Variants in HDAC7 observed in about 807,000 individuals in gnomAD.
HDAC7 encodes histone deacetylase 7A.
HDAC7 carries 26 observed loss-of-function variants against 115.5 expected under a neutral mutation model. That is an observed-to-expected ratio of 0.23 (90% confidence interval 0.16 to 0.31). HDAC7 has a LOEUF of 0.31. Ranked by LOEUF, HDAC7 falls within the 10% of genes least tolerant of loss-of-function variation. The pLI is 1.00. For synonymous variants in HDAC7, 564 were observed against 550.9 expected (o/e 1.02, Z -0.33); for missense variants, 1,068 against 1,329.0 (o/e 0.80, Z 3.05).
chr12:47,796,393 C>G, intron 7 of HDAC7, 95 bp from the exon 8 acceptor site: 1 of 753,146 alleles, frequency 1.3e-6, no homozygotes, highest in East Asian at 2.7e-5. Flanking sequence ...GGGAGCACCC[C>G]CTTCCTTAAC....
rs371847692 is a variant in HDAC7 at position 47,789,246 on chromosome 12, C to T, written c.2235+15G>A. The T allele has an allele frequency of 2.7e-5, 43 of 1,603,890 alleles. No homozygotes were observed. Among genetic ancestry groups the T allele is most frequent in the African/African-American group, 1.3e-4 (10 of 74,734 alleles). ...AGGGCTCTCGAATTGGAGGGTGCTA[C>T]GGACAGGCACCTACCCAGTCTACAA... On this transcript the variant is annotated intron_variant, in intron 19 of 25. Transcript: ENST00000080059.
rs1943553181 is a variant in HDAC7 at position 47,791,952 on chromosome 12, G to A, written c.1731C>T (p.Asn577=). Residue 577 remains asparagine (N), a synonymous_variant, in exon 14 of 26, where the codon AAC becomes AAT. Coordinates refer to ENST00000080059, the MANE Select transcript of HDAC7 (RefSeq NM_015401.5). ...GGCCGGCGTGCTCCGGGTGCCTGCT[G>A]TTGTCACCGCAGGAGCACTGGTGCT... ...MLKHQCSCGD[N]SRHPEHAGRI... is the part of the protein sequence containing the mutation. 1.2e-6 allele frequency: 2 copies of A among 1,611,474 alleles called. No homozygotes were observed. Among genetic ancestry groups the A allele is most frequent in the Admixed American group, 1.7e-5 (1 of 59,848 alleles).
At position 47,783,327 on chromosome 12, in the gene HDAC7, C is replaced by G. The variant is rs1400500770; in HGVS notation, c.*514G>C. 1 of 157,300 alleles carries G rather than the reference C, an allele frequency of 6.4e-6. No homozygotes were observed. The highest frequency in any genetic ancestry group is 1.4e-5 in the Non-Finnish European group (1 of 70,806). The allele number at this position is 157,300 out of a possible 1,614,324, so 9.7% of individuals were successfully genotyped here. A position where few individuals can be genotyped will look rare whatever the true frequency, so the allele number is the denominator to read the frequency against. On this transcript the variant is annotated 3_prime_UTR_variant, in exon 26 of 26. Transcript: ENST00000080059. ...AAGCTTCCAGAGTCGTCTGAGGAAG[C>G]AGGTGAGAGGGACTACCCCTGCACT...
In HDAC7 at chr12:47,795,998, G is replaced by T. The variant is rs1182965387; in HGVS notation, c.814C>A (p.Leu272Met). The part of the protein sequence containing the change: ...LGSEALLGQR[L>M]RLQETSVAPF... ...GCCACAGAAGTCTCCTGCAGCCGCA[G>T]CCGCTGGCCCAAGAGCGCCTGCCAT... The change falls in exon 9 of 26, where the codon CTG becomes ATG. Residue 272 changes from leucine (L) to methionine (M), a missense_variant. By Grantham distance (15) the Leu-to-Met change is conservative (BLOSUM62 2). This residue lies in a region of HDAC7 where 618 missense variants were observed against 701.5 expected (regional missense o/e 0.88). Coordinates refer to ENST00000080059, the MANE Select transcript of HDAC7 (RefSeq NM_015401.5). The surrounding 1 kb of genome is among the most constrained non-coding windows in gnomAD (Gnocchi z 4.3). The T allele has an allele frequency of 6.5e-7, 1 of 1,549,584 alleles. No homozygotes were observed. Among genetic ancestry groups the T allele is most frequent in the Non-Finnish European group, 8.7e-7 (1 of 1,146,920 alleles).
At chr12:47,789,792 C>G in intron 17 of HDAC7, 21 bp downstream of exon 17, 1 of 1,590,166 alleles carries the variant, frequency 6.3e-7, no homozygotes, top group Non-Finnish European at 8.6e-7. Context: ...GGTGTGTCCA[C>G]CTTCAACCCA....
In HDAC7 at chr12:47,802,228, G is replaced by A. The variant is rs756589166; in HGVS notation, c.66C>T (p.Gly22=). 41 of 1,613,422 alleles carry A rather than the reference G, an allele frequency of 2.5e-5. No homozygotes were observed. The highest frequency in any genetic ancestry group is 2.4e-4 in the South Asian group (22 of 90,958). Residue 22 remains glycine, a synonymous_variant, in exon 2 of 26, where the codon GGC becomes GGT. Transcript: ENST00000080059. The stretch of plus-strand genomic sequence containing the variant: ...TCCCCCGGGTTTGACTCTTACCTGC[G>A]CCAGTGGGGCTGCAGTAGTGGGCAC... The part of the protein sequence containing the change: ...SPGAHYCSPT[G]AGCPRPCADT...
intron 2 of HDAC7, chr12:47,799,283 G>A (rs1372887514): frequency 8.7e-6 from 3 of 344,748 alleles, no homozygotes; most frequent in East Asian, 9.7e-5. Flanking sequence ...GGGGGCTGAG[G>A]GCTACAGTGA....
intron 1 of HDAC7, among the ~76,000 whole-genome samples, chr12:47,808,869 G>C (rs1359157036): frequency 6.6e-6 from 1 of 152,166 alleles, no homozygotes; most frequent in Admixed American, 6.5e-5. Flanking sequence ...AGCCCTCAAA[G>C]ACATAAGTTC....
chr12:47,787,346 C>A (rs1174759627), intron 21 of HDAC7, among the ~76,000 whole-genome samples: 1 of 152,150 alleles, frequency 6.6e-6, no homozygotes, highest in Non-Finnish European at 1.5e-5. Context: ...CAGCCCAGGG[C>A]TCTCGTAGAA....
At chr12:47,805,078 T>C (rs1361062106) in intron 1 of HDAC7, among the ~76,000 whole-genome samples, 1 of 151,592 alleles carries the variant, frequency 6.6e-6, no homozygotes, top group Admixed American at 6.6e-5. Context: ...TCTTAATTTT[T>C]TTTTTTTTTT....
At chr12:47,810,029 C>T (rs1944582024) in intron 1 of HDAC7, among the ~76,000 whole-genome samples, 1 of 152,142 alleles carries the variant, frequency 6.6e-6, no homozygotes, top group African/African-American at 2.4e-5. Flanking sequence ...TGACTGCAAC[C>T]TCTGCCTCCC....
In HDAC7 at chr12:47,802,260, T is replaced by C. The variant is rs748365948; in HGVS notation, c.34A>G (p.Ser12Gly). The C allele has an allele frequency of 1.7e-5, 27 of 1,613,802 alleles. No homozygotes were observed. Among genetic ancestry groups the C allele is most frequent in the Non-Finnish European group, 3.4e-6 (4 of 1,179,948 alleles). Residue 12 changes from serine (S) to glycine (G), a missense_variant, in exon 2 of 26, where the codon AGC (serine) becomes GGC (glycine). By Grantham distance (56) the Ser-to-Gly change is moderately conservative (BLOSUM62 0). This residue lies in a region of HDAC7 where 161 missense variants were observed against 158.5 expected (regional missense o/e 1.02). Transcript: ENST00000080059. ...HSPGADGTQV[S>G]PGAHYCSPTG... ...GGGCTGCAGTAGTGGGCACCCGGGC[T>C]CACCTGGGTCCCATCTGTAGAGAGA...
rs1943339268 is a variant in HDAC7 at position 47,789,172 on chromosome 12, C to T, written c.2235+89G>A. ...GAGGCTCAGAGAGGCTACTGCAGAA[C>T]TAAGACATGAAGCCGCATCTCTAAC... On this transcript the variant is annotated intron_variant, in intron 19 of 25. Coordinates refer to ENST00000080059, the MANE Select transcript of HDAC7 (RefSeq NM_015401.5). 11 of 1,040,428 alleles carry T rather than the reference C, an allele frequency of 1.1e-5. No individual in the cohort carries two copies. In the South Asian group the frequency reaches 1.3e-4, roughly 12 times the overall value. 64.4% of individuals were successfully genotyped at this position (1,040,428 alleles called of 1,614,324 possible).
chr12:47,784,211 T>A lies in HDAC7; in HGVS notation c.2798A>T (p.Tyr933Phe). 6.2e-7 allele frequency: 1 copy of A among 1,610,978 alleles called. No homozygotes were observed. The highest frequency in any genetic ancestry group is 8.5e-7 in the Non-Finnish European group (1 of 1,178,620). Residue 933 changes from tyrosine (Y) to phenylalanine (F), a missense_variant, in exon 25 of 26, where the codon TAC becomes TTC. Physicochemically the swap from Tyr to Phe is conservative, Grantham distance 22. Transcript: ENST00000080059. ...LEAVIRVHSK[Y>F]WGCMQRLASC... is the part of the protein sequence containing the mutation. ...GGCCAGGCGCTGCATGCAGCCCCAG[T>A]ATTTACCTGGGGTAAGATGCCAGGT... is the stretch of plus-strand genomic sequence containing the variant.
chr12:47,802,382 C>T (rs1944210846), intron 1 of HDAC7, 108 bp from the exon 2 acceptor site: 5 of 1,535,246 alleles, frequency 3.3e-6, no homozygotes, highest in Admixed American at 1.9e-5. Flanking sequence ...CAAGCTTGAG[C>T]ACGCCAAAGC....
At chr12:47,811,620 T>A (rs1944670324) in intron 1 of HDAC7, among the ~76,000 whole-genome samples, 1 of 152,252 alleles carries the variant, frequency 6.6e-6, no homozygotes, top group Non-Finnish European at 1.5e-5. Context: ...GTCTGTCCTG[T>A]CTGAGTATCC....
chr12:47,786,825 C>A (rs1232023395), intron 21 of HDAC7, 122 bp from the exon 22 acceptor site: 41 of 717,956 alleles, frequency 5.7e-5, no homozygotes, highest in Non-Finnish European at 9.0e-5. Flanking sequence ...CCCAGCACAA[C>A]TGGCAGATTT....
At position 47,788,040 on chromosome 12, in the gene HDAC7, G is replaced by T. The variant is rs1006364503; in HGVS notation, c.2355+5C>A. On this transcript the variant is annotated splice_donor_5th_base_variant and intron_variant, in intron 20 of 25. Coordinates refer to ENST00000080059, the MANE Select transcript of HDAC7 (RefSeq NM_015401.5). ...CTGGAAGATGTGGCCCTGACATGCG[G>T]TTACCTCATCCACAGCCCCACTCCC... 2.5e-6 allele frequency: 4 copies of T among 1,608,704 alleles called. No homozygotes were observed. Among genetic ancestry groups the T allele is most frequent in the African/African-American group, 1.3e-5 (1 of 74,878 alleles).
chr12:47,814,455 AG>A (rs2137070103), intron 1 of HDAC7, among the ~76,000 whole-genome samples: 2 of 152,340 alleles, frequency 1.3e-5, no homozygotes, highest in South Asian at 4.1e-4. Context: ...GAAGGGAAGG[AG>A]GTGGGAGGAA....
Sources: allele counts gnomAD v4.1 joint callset (sites outside exome capture counted in the v4.1 genomes callset), GRCh38; gene constraint gnomAD v4.1.1; regional missense constraint gnomAD v4.1.1; non-coding constraint Gnocchi (gnomAD v3.1); transcripts MANE v1.5; gene names NCBI Gene and HGNC (gene_info 2026-07-23, HGNC 2026-07-21).